The following PHF24 variants were observed in gnomAD, a reference collection of about 807,000 sequenced individuals.
The protein encoded by PHF24 is PHD finger protein 24.
PHF24 carries 25 observed loss-of-function variants against 42.6 expected under a neutral mutation model. That is an observed-to-expected ratio of 0.59 (90% confidence interval 0.43 to 0.82). The LOEUF (loss-of-function observed/expected upper bound fraction) is 0.82, where lower values mean the gene tolerates loss of function less well. Among genes scored for constraint, PHF24 ranks in the 40% least tolerant of loss-of-function variants. The pLI is 0.00. For missense variants in PHF24, 470 were observed against 538.1 expected (o/e 0.87, Z 1.25); for synonymous variants, 185 against 204.8 (o/e 0.90, Z 0.83).
the PHF24 span, among the ~76,000 whole-genome samples, chr9:34,887,729 G>A: frequency 6.6e-6 from 1 of 151,786 alleles, no homozygotes; most frequent in African/African-American, 2.4e-5. Flanking sequence ...TGATTTTTTT[G>A]CATATATCTG....
At chr9:34,824,454 G>A in the PHF24 span, among the ~76,000 whole-genome samples, 1 of 152,184 alleles carries the variant, frequency 6.6e-6, no homozygotes, top group Non-Finnish European at 1.5e-5. Context: ...ATTATGCTTA[G>A]AACAGCATTG....
At chr9:34,666,060 A>G in the PHF24 span, 1 of 273,568 alleles carries the variant, frequency 3.7e-6, no homozygotes, top group Non-Finnish European at 7.1e-6. Context: ...CGTTACTATT[A>G]CGTCACAGGG....
At chr9:34,791,113 C>T in the PHF24 span, among the ~76,000 whole-genome samples, 137,930 of 152,268 alleles carry the variant, frequency 0.91, 63,339 homozygotes, top group Non-Finnish European at 0.99. Flanking sequence ...TTAAAAGAAC[C>T]ACCCTAAATG....
the PHF24 span, among the ~76,000 whole-genome samples, chr9:34,786,818 G>C: frequency 0.015 from 2,277 of 152,238 alleles, 53 homozygotes; most frequent in African/African-American, 0.052. Flanking sequence ...CTTGGATCAG[G>C]GGATAACCCG....
At chr9:34,971,438 C>G in exon 2 of PHF24, 1 of 1,614,162 alleles carries the variant, frequency 6.2e-7, no homozygotes, top group South Asian at 1.1e-5. Context: ...CGCCGTGGCA[C>G]TGTAGAGGGC....
the PHF24 span, chr9:34,725,912 G>T: frequency 6.4e-7 from 1 of 1,551,994 alleles, no homozygotes; most frequent in Non-Finnish European, 8.7e-7. Context: ...GGCAACCAGG[G>T]ACTCACTGTG....
chr9:34,879,335 A>G, the PHF24 span, among the ~76,000 whole-genome samples: 1 of 152,266 alleles, frequency 6.6e-6, no homozygotes, highest in Non-Finnish European at 1.5e-5. Context: ...CTCACCAGCA[A>G]CAGAACAAAG....
the PHF24 span, among the ~76,000 whole-genome samples, chr9:34,682,420 C>CT: frequency 6.6e-6 from 1 of 152,024 alleles, no homozygotes; most frequent in Non-Finnish European, 1.5e-5. Flanking sequence ...TTCTAAGGCT[C>CT]TGAGTTGTCT....
At chr9:34,832,500 T>C in the PHF24 span, 1 of 1,512,550 alleles carries the variant, frequency 6.6e-7, no homozygotes. Context: ...CCCTGTCGGC[T>C]TCTCTGTCTT....
At chr9:34,689,718 G>C in the PHF24 span, 7 of 1,403,156 alleles carry the variant, frequency 5.0e-6, no homozygotes, top group African/African-American at 1.4e-5. The surrounding 1 kb of genome is among the most constrained non-coding windows in gnomAD (Gnocchi z 4.1). Flanking sequence ...GTGCAGAGGA[G>C]CTGGAAGCCT....
the PHF24 span, among the ~76,000 whole-genome samples, chr9:34,936,347 A>G: frequency 2.0e-5 from 3 of 152,242 alleles, no homozygotes; most frequent in Admixed American, 2.0e-4. Context: ...CCGGGATTGC[A>G]GACGGAGTCT....
At chr9:34,668,424 A>G in the PHF24 span, among the ~76,000 whole-genome samples, 1 of 152,220 alleles carries the variant, frequency 6.6e-6, no homozygotes. Flanking sequence ...CCACACAGGC[A>G]CACACATAGA....
At chr9:34,802,547 CTCTT>C in the PHF24 span, among the ~76,000 whole-genome samples, 1 of 152,206 alleles carries the variant, frequency 6.6e-6, no homozygotes, top group Admixed American at 6.5e-5. Flanking sequence ...ATATTGAAAA[CTCTT>C]TCTGCATCCT....
At chr9:34,876,690 G>A in the PHF24 span, among the ~76,000 whole-genome samples, 5 of 152,094 alleles carry the variant, frequency 3.3e-5, no homozygotes, top group Admixed American at 3.3e-4. Flanking sequence ...GAAAGAAAGT[G>A]TTCTGTAGGA....
At chr9:34,730,398 G>T in the PHF24 span, among the ~76,000 whole-genome samples, 18,819 of 129,008 alleles carry the variant, frequency 0.15, 1,267 homozygotes, top group Middle Eastern at 0.28. Flanking sequence ...AGAGAGTTCT[G>T]CTCTGGTAAT....
the PHF24 span, among the ~76,000 whole-genome samples, chr9:34,759,583 A>G: frequency 6.6e-6 from 1 of 152,168 alleles, no homozygotes; most frequent in Non-Finnish European, 1.5e-5. Context: ...AGGTGAGCAG[A>G]GCACCATATT....
chr9:34,888,549 C>A, the PHF24 span, among the ~76,000 whole-genome samples: 1 of 152,128 alleles, frequency 6.6e-6, no homozygotes, highest in Non-Finnish European at 1.5e-5. Context: ...GTTGGGTTAC[C>A]CTTAAAGATC....
chr9:34,909,700 C>T, the PHF24 span, among the ~76,000 whole-genome samples: 2,395 of 151,776 alleles, frequency 0.016, 30 homozygotes, highest in Admixed American at 0.027. Flanking sequence ...CGGCTCACTG[C>T]AAGCTCCGCC....
At chr9:34,878,698 G>C in the PHF24 span, among the ~76,000 whole-genome samples, 2 of 152,206 alleles carry the variant, frequency 1.3e-5, no homozygotes, top group South Asian at 4.1e-4. Context: ...GGCTTGAGTA[G>C]GTAAACAAAG....
Sources: allele counts gnomAD v4.1 joint callset (sites outside exome capture counted in the v4.1 genomes callset), GRCh38; gene constraint gnomAD v4.1.1; non-coding constraint Gnocchi (gnomAD v3.1); transcripts MANE v1.5; gene names NCBI Gene and HGNC (gene_info 2026-07-23, HGNC 2026-07-21).